Variants in NCKAP5 observed in about 807,000 individuals in gnomAD.
The protein encoded by NCKAP5 is NCK associated protein 5.
Under a neutral mutation model 167.0 loss-of-function variants are expected in NCKAP5, and 92 were observed. The ratio of observed to expected loss-of-function variants is 0.55; its 90% CI spans 0.47 to 0.66. The LOEUF (loss-of-function observed/expected upper bound fraction) is 0.66, where lower values mean the gene tolerates loss of function less well. NCKAP5 is among the 30% of genes least tolerant of loss of function. The probability of loss-of-function intolerance (pLI) is 0.00; values close to 1 mark genes in which losing one functional copy is unlikely to be tolerated. For synonymous variants in NCKAP5, 891 were observed against 877.4 expected, an observed-to-expected ratio of 1.02 and a Z score of -0.27; for missense variants, 2,378 against 2,315.0, an observed-to-expected ratio of 1.03 and a Z score of -0.56.
chr2:133,061,296 A>T (rs1474038023), intron 6 of NCKAP5, among the ~76,000 whole-genome samples: 2 of 152,214 alleles, frequency 1.3e-5, no homozygotes, highest in Admixed American at 6.5e-5. Flanking sequence ...GTCAAACAGT[A>T]TTGCTTGCTG....
At chr2:133,397,876 G>T (rs900423044) in intron 3 of NCKAP5, among the ~76,000 whole-genome samples, 2 of 152,160 alleles carry the variant, frequency 1.3e-5, no homozygotes, top group African/African-American at 4.8e-5. Flanking sequence ...GAGATTCTCA[G>T]GCAAGGAGAT....
At chr2:133,290,572 T>C (rs952252151) in intron 4 of NCKAP5, among the ~76,000 whole-genome samples, 3 of 152,200 alleles carry the variant, frequency 2.0e-5, no homozygotes, top group African/African-American at 7.2e-5. Context: ...TTAAACTTTC[T>C]AATAGTATCT....
intron 4 of NCKAP5, among the ~76,000 whole-genome samples, chr2:133,289,648 G>A (rs1037170588): frequency 6.6e-6 from 1 of 151,646 alleles, no homozygotes; most frequent in African/African-American, 2.4e-5. Context: ...CCGAGATCGT[G>A]CCACTACACT....
At chr2:133,397,964 C>T (rs1430368031) in intron 3 of NCKAP5, among the ~76,000 whole-genome samples, 1 of 152,170 alleles carries the variant, frequency 6.6e-6, no homozygotes, top group South Asian at 2.1e-4. Flanking sequence ...AATCTTTTGA[C>T]AAGTCCTGTA....
intron 4 of NCKAP5, among the ~76,000 whole-genome samples, chr2:133,260,101 A>G (rs902207512): frequency 1.1e-4 from 17 of 152,352 alleles, no homozygotes; most frequent in African/African-American, 3.8e-4. Context: ...GTCAAAAGCC[A>G]TAAGTGGGCA....
At chr2:133,476,006 G>A (rs767119515) in intron 3 of NCKAP5, among the ~76,000 whole-genome samples, 9 of 151,786 alleles carry the variant, frequency 5.9e-5, no homozygotes, top group Non-Finnish European at 8.8e-5. Context: ...TCTGTACTGT[G>A]CCAGACAAAG....
At chr2:132,875,509 G>A (rs938959884) in intron 9 of NCKAP5, among the ~76,000 whole-genome samples, 2 of 152,190 alleles carry the variant, frequency 1.3e-5, no homozygotes, top group Non-Finnish European at 2.9e-5. Flanking sequence ...TGGGAGTGCC[G>A]TGAACTCAGG....
intron 7 of NCKAP5, among the ~76,000 whole-genome samples, chr2:132,966,847 A>G (rs774424070): frequency 4.6e-5 from 7 of 152,136 alleles, no homozygotes; most frequent in Non-Finnish European, 1.0e-4. Context: ...TAAGCACTAC[A>G]CTCAGGGCCA....
chr2:132,685,899 T>A (rs1685876104), intron 19 of NCKAP5, among the ~76,000 whole-genome samples: 1 of 152,098 alleles, frequency 6.6e-6, no homozygotes, highest in Non-Finnish European at 1.5e-5. Context: ...AAGACACAGA[T>A]CTTAACTCCA....
chr2:133,536,678 C>T (rs1053786655), intron 2 of NCKAP5, among the ~76,000 whole-genome samples: 1 of 151,800 alleles, frequency 6.6e-6, no homozygotes, highest in Non-Finnish European at 1.5e-5. Context: ...TTATTGAGTT[C>T]TAAGAGTTTT....
intron 3 of NCKAP5, among the ~76,000 whole-genome samples, chr2:133,459,534 T>C (rs918023574): frequency 6.6e-6 from 1 of 152,192 alleles, no homozygotes; most frequent in African/African-American, 2.4e-5. Context: ...ATCATACCTA[T>C]GTATAAAGAA....
rs35545031 is a variant in NCKAP5, at chr2:132,881,554, CTTT to C, written c.580-2641_580-2639del. 9.1e-4 allele frequency among the ~76,000 whole-genome samples: 115 copies of C among 126,370 alleles called. 2 individuals are homozygous for C. The highest frequency in any genetic ancestry group is 1.3e-3 in the Non-Finnish European group (82 of 62,716). The allele number at this position is 126,370 out of a possible 152,430, so 82.9% of individuals were successfully genotyped here. Reference sequence around the variant, plus strand: ...TTATTTCCTCTTCTTCCTTACCTTTCTTTTTTTTTTTTTTTTTCCTTTCTGAGT... The same window carrying C: ...TTATTTCCTCTTCTTCCTTACCTTTCTTTTTTTTTTTTTTCCTTTCTGAGT... On this transcript the variant is annotated intron_variant, in intron 8 of 19. Coordinates refer to ENST00000409261, the MANE Select transcript of NCKAP5 (RefSeq NM_207363.3).
rs906231370 is a variant in NCKAP5, at chr2:132,782,562, T to A, written c.4249A>T (p.Thr1417Ser). The A allele has an allele frequency of 6.3e-7, 1 of 1,584,452 alleles. No homozygotes were observed. Among genetic ancestry groups the A allele is most frequent in the Non-Finnish European group, 8.6e-7 (1 of 1,165,450 alleles). The change falls in exon 14 of 20, where the codon ACC (threonine) becomes TCC (serine). Residue 1417 changes from threonine to serine, a missense_variant. By Grantham distance (58) the Thr-to-Ser change is moderately conservative. This residue lies in a region of NCKAP5 where 1,325 missense variants were observed against 1,274.5 expected (regional missense o/e 1.04). Transcript: ENST00000409261. ...AGGGCTTCAGGGCAGTCTGTTGGGGTGGGTGGGCAACTGCGGCGGTCACTG... is the reference window on the plus strand; with the variant it reads ...AGGGCTTCAGGGCAGTCTGTTGGGGAGGGTGGGCAACTGCGGCGGTCACTG... ...PGSDRRSCPPTPTDCPEALQS... is the reference protein window; with the variant it reads ...PGSDRRSCPPSPTDCPEALQS...
At chr2:132,774,026 G>A in intron 15 of NCKAP5, 132 bp from the exon 16 acceptor site, 2 of 667,298 alleles carry the variant, frequency 3.0e-6, no homozygotes, top group South Asian at 4.0e-5. Context: ...GTATATACAT[G>A]TGTGAGTATG....
At chr2:133,201,084 G>T (rs1024682848) in intron 5 of NCKAP5, among the ~76,000 whole-genome samples, 12 of 152,062 alleles carry the variant, frequency 7.9e-5, no homozygotes, top group Non-Finnish European at 1.6e-4. Flanking sequence ...TAGAGTAAAA[G>T]TAAAATAGGT....
intron 19 of NCKAP5, among the ~76,000 whole-genome samples, chr2:132,676,394 A>G (rs1352266577): frequency 7.3e-6 from 1 of 136,648 alleles, no homozygotes; most frequent in African/African-American, 2.8e-5. Context: ...ATGCTACATC[A>G]TCAGTAGTTT....
rs144616953 is a variant in NCKAP5, at chr2:133,517,348, T to C, written c.69+110A>G. The C allele has an allele frequency of 5.1e-4, 245 of 484,678 alleles. 1 individual carries two copies. The highest frequency in any genetic ancestry group is 4.2e-3 in the African/African-American group (214 of 50,500). The allele number at this position is 484,678 out of a possible 1,614,324, so 30.0% of individuals were successfully genotyped here. A position where few individuals can be genotyped will look rare whatever the true frequency, so the allele number is the denominator to read the frequency against. On this transcript the variant is annotated intron_variant, in intron 3 of 19. Transcript: ENST00000409261. ...AAATCTCAAGGGATGTTGCTAATGG[T>C]GTAACTGGAAGAGAGGTTTCAAAAG...
At chr2:132,680,060 T>G (rs1685009060) in intron 19 of NCKAP5, among the ~76,000 whole-genome samples, 1 of 152,116 alleles carries the variant, frequency 6.6e-6, no homozygotes, top group Non-Finnish European at 1.5e-5. Context: ...TAGAATGACC[T>G]TTGGTGATCA....
Position 132,963,744 on chromosome 2 carries a change from T to C in NCKAP5, c.555A>G (p.Leu185=), listed in dbSNP as rs200123376. 3,335 of 1,613,916 alleles carry C rather than the reference T, an allele frequency of 2.1e-3. 15 individuals carry two copies. The highest frequency in any genetic ancestry group is 1.9e-3 in the Non-Finnish European group (2,198 of 1,179,864). The change falls in exon 8 of 20, where the codon CTA becomes CTG. Residue 185 remains leucine (L), a synonymous_variant. Coordinates refer to ENST00000409261, the MANE Select transcript of NCKAP5 (RefSeq NM_207363.3). ...TDEGKEKTKL[L]LERLKALEAE... ...CCTCTAGAGCTTTCAATCTCTCTAATAGCAATTTGGTCTTTTCTTTTCCCT... is the reference window on the plus strand; with the variant it reads ...CCTCTAGAGCTTTCAATCTCTCTAACAGCAATTTGGTCTTTTCTTTTCCCT...
Sources: allele counts gnomAD v4.1 joint callset (sites outside exome capture counted in the v4.1 genomes callset), GRCh38; gene constraint gnomAD v4.1.1; regional missense constraint gnomAD v4.1.1; transcripts MANE v1.5; gene names NCBI Gene and HGNC (gene_info 2026-07-23, HGNC 2026-07-21).